The following MTFP1 variants were observed in gnomAD, a reference collection of about 807,000 sequenced individuals.
MTFP1 encodes the protein mitochondrial fission process protein 1.
Under a neutral mutation model 17.1 loss-of-function variants are expected in MTFP1, and 19 were observed. The ratio of observed to expected loss-of-function variants is 1.11; its 90% CI spans 0.77 to 1.63. MTFP1 has a LOEUF of 1.63. MTFP1 is among the 40% of genes most tolerant of loss of function. MTFP1 has a pLI of 0.00. For missense variants in MTFP1, 221 were observed against 226.2 expected (o/e 0.98, Z 0.15); for synonymous variants, 89 against 95.2 (o/e 0.93, Z 0.38).
rs1459730581 is a variant in MTFP1 at position 30,428,772 on chromosome 22, T to C, written c.*238T>C. The C allele has an allele frequency of 8.2e-7, 1 of 1,222,868 alleles. No homozygotes were observed. The highest frequency in any genetic ancestry group is 1.2e-6 in the Non-Finnish European group (1 of 842,850). 75.8% of individuals were successfully genotyped at this position (1,222,868 alleles called of 1,614,324 possible). On this transcript the variant is annotated 3_prime_UTR_variant, in exon 4 of 4. Transcript: ENST00000266263. ...TGGAATCCAAGATGCTGAGTGGAAGTGGACCCTGGGTGGGCCCGGCCCTGT... is the reference window on the plus strand; with the variant it reads ...TGGAATCCAAGATGCTGAGTGGAAGCGGACCCTGGGTGGGCCCGGCCCTGT...
Position 30,425,942 on chromosome 22 carries a change from C to G in MTFP1, c.63C>G (p.Tyr21Ter), listed in dbSNP as rs1002546543. The G allele has an allele frequency of 2.0e-6, 3 of 1,519,014 alleles. No individual in the cohort carries two copies. In the African/African-American group the frequency reaches 4.3e-5, roughly 22 times the overall value. The allele number at this position is 1,519,014 out of a possible 1,614,324, so 94.1% of individuals were successfully genotyped here. ...RDLYRDTWVR[Y>*]LGYANEVGEA... ...TCTACCGGGACACGTGGGTGCGATACCTGGGTGAGCGCGGGGCGACGGGCG... is the reference window on the plus strand; with the variant it reads ...TCTACCGGGACACGTGGGTGCGATAGCTGGGTGAGCGCGGGGCGACGGGCG... The change falls in exon 1 of 4, where the codon TAC becomes TAG. Residue 21 changes from tyrosine (Y) to a stop codon, truncating the protein, a stop_gained. Transcript: ENST00000266263. LOFTEE classifies it high-confidence loss of function.
In MTFP1 at chr22:30,427,186, G is replaced by A; in HGVS notation, c.211G>A (p.Ala71Thr). The A allele has an allele frequency of 1.2e-6, 2 of 1,614,116 alleles. No individual in the cohort carries two copies. Among genetic ancestry groups the A allele is most frequent in the South Asian group, 1.1e-5 (1 of 91,090 alleles). Residue 71 changes from alanine to threonine, a missense_variant, in exon 3 of 4, where the codon GCA (alanine) becomes ACA (threonine). Transcript: ENST00000266263. ...KKAGEVPSPE[A>T]GRSARVTVAV... ...CGCCCACCAGGTGCCCAGCCCTGAA[G>A]CAGGCCGCAGCGCCAGGGTGACTGT...
chr22:30,427,471 G>C, intron 3 of MTFP1, 68 bp downstream of exon 3: 7 of 1,490,744 alleles, frequency 4.7e-6, no homozygotes, highest in Non-Finnish European at 6.5e-6. Context: ...CCAGTCTCCA[G>C]GTAGAGCTAG....
rs886925277 is a variant in MTFP1, at chr22:30,425,930, G to C, written c.51G>C (p.Thr17=). The stretch of plus-strand genomic sequence containing the variant: ...CAGAGCGCGATCTCTACCGGGACAC[G>C]TGGGTGCGATACCTGGGTGAGCGCG... ...RGAERDLYRD[T]WVRYLGYANE... Residue 17 remains threonine, a synonymous_variant, in exon 1 of 4, where the codon ACG becomes ACC. Coordinates refer to ENST00000266263, the MANE Select transcript of MTFP1 (RefSeq NM_016498.5). The C allele has an allele frequency of 2.6e-5, 40 of 1,530,420 alleles. No homozygotes were observed. The highest frequency in any genetic ancestry group is 3.4e-5 in the Non-Finnish European group (39 of 1,138,826). 94.8% of individuals were successfully genotyped at this position (1,530,420 alleles called of 1,614,324 possible). A position where few individuals can be genotyped will look rare whatever the true frequency, so the allele number is the denominator to read the frequency against.
chr22:30,427,100 A>G (rs2146057467), intron 2 of MTFP1, 71 bp from the exon 3 acceptor site: 2 of 1,541,576 alleles, frequency 1.3e-6, no homozygotes, highest in East Asian at 4.5e-5. Context: ...CTCCCGGTCT[A>G]GCCTCGTGCC....
At chr22:30,427,039 G>A in intron 2 of MTFP1, 132 bp from the exon 3 acceptor site, 1 of 1,353,666 alleles carries the variant, frequency 7.4e-7, no homozygotes, top group Non-Finnish European at 1.1e-6. Context: ...ACTGGATGTG[G>A]CAGACTGTAC....
intron 1 of MTFP1, 63 bp downstream of exon 1, chr22:30,426,009 C>G: frequency 2.2e-6 from 3 of 1,387,544 alleles, no homozygotes; most frequent in Non-Finnish European, 2.8e-6. Context: ...CAGGGGTCGC[C>G]GGACGCCCGC....
intron 2 of MTFP1, 122 bp from the exon 3 acceptor site, chr22:30,427,048 AC>A: frequency 7.4e-7 from 1 of 1,354,932 alleles, no homozygotes; most frequent in Non-Finnish European, 1.1e-6. Flanking sequence ...GGCAGACTGT[AC>A]CCCACTCCTG....
Position 30,427,197 on chromosome 22 carries a change from C to T in MTFP1, c.222C>T (p.Ser74=), listed in dbSNP as rs766815897. Residue 74 remains serine, a synonymous_variant, in exon 3 of 4, where the codon AGC becomes AGT. Transcript: ENST00000266263. The stretch of plus-strand genomic sequence containing the variant: ...TGCCCAGCCCTGAAGCAGGCCGCAG[C>T]GCCAGGGTGACTGTGGCTGTGGTGG... ...GEVPSPEAGR[S]ARVTVAVVDT... 26 of 1,614,112 alleles carry T rather than the reference C, an allele frequency of 1.6e-5. 1 individual carries two copies. Among genetic ancestry groups the T allele is most frequent in the South Asian group, 1.4e-4 (13 of 91,084 alleles).
rs1463565553 is a variant in MTFP1 at position 30,427,021 on chromosome 22, C to A, written c.196-150C>A. 17 of 1,353,462 alleles carry A rather than the reference C, an allele frequency of 1.3e-5. No homozygotes were observed. The South Asian group carries it at 2.0e-4, about 16-fold the overall frequency. The allele number at this position is 1,353,462 out of a possible 1,614,324, so 83.8% of individuals were successfully genotyped here. On this transcript the variant is annotated intron_variant, in intron 2 of 3. Transcript: ENST00000266263. ...GTGTACCCCTGCCCCCACACTCCCA[C>A]TCCCCGAACTGGATGTGGCAGACTG...
chr22:30,428,111 G>A (rs150565210), intron 3 of MTFP1, among the ~76,000 whole-genome samples: 197 of 152,268 alleles, frequency 1.3e-3, no homozygotes, highest in Non-Finnish European at 2.0e-3. Flanking sequence ...CTTGGGTCAC[G>A]TGCTTGGTCT....
At chr22:30,426,078 T>C in intron 1 of MTFP1, 132 bp downstream of exon 1, 1 of 935,856 alleles carries the variant, frequency 1.1e-6, no homozygotes, top group Non-Finnish European at 1.5e-6. Context: ...GGCCGGAGAC[T>C]GGGCTCAGAC....
In MTFP1 at chr22:30,427,368, G is replaced by C. The variant is rs767883676; in HGVS notation, c.393G>C (p.Leu131=). ...AGTGGACCACCACCGCGCTTGGGCT[G>C]TTGACCATCCCCATCATTATCCACC... ...VRKWTTTALG[L]LTIPIIIHPI... The change falls in exon 3 of 4, where the codon CTG becomes CTC. Residue 131 remains leucine (L), a synonymous_variant. Transcript: ENST00000266263. 1.2e-6 allele frequency: 2 copies of C among 1,614,068 alleles called. No homozygotes were observed. The highest frequency in any genetic ancestry group is 8.5e-7 in the Non-Finnish European group (1 of 1,180,050).
chr22:30,428,065 C>G (rs1389327062), intron 3 of MTFP1, among the ~76,000 whole-genome samples: 1 of 152,206 alleles, frequency 6.6e-6, no homozygotes, highest in African/African-American at 2.4e-5. Context: ...TGCATGCCCA[C>G]CCTATGAGCC....
In MTFP1 at chr22:30,428,591, T is replaced by G; in HGVS notation, c.*57T>G. 6.2e-7 allele frequency: 1 copy of G among 1,614,148 alleles called. No homozygotes were observed. ...CTCCTGCTTCATGTCAACCTCCTAC[T>G]CCTGCCAGGGAATGTGGACACCTGG... On this transcript the variant is annotated 3_prime_UTR_variant, in exon 4 of 4. Coordinates refer to ENST00000266263, the MANE Select transcript of MTFP1 (RefSeq NM_016498.5).
Position 30,428,736 on chromosome 22 carries a change from G to C in MTFP1, c.*202G>C. On this transcript the variant is annotated 3_prime_UTR_variant, in exon 4 of 4. Coordinates refer to ENST00000266263, the MANE Select transcript of MTFP1 (RefSeq NM_016498.5). ...CACAGAAGGGCAGGACCTGAACGCT[G>C]TCTGCTTCCCTGGAATCCAAGATGC... The C allele has an allele frequency of 6.6e-7, 1 of 1,504,044 alleles. No individual in the cohort carries two copies. The allele number at this position is 1,504,044 out of a possible 1,614,324, so 93.2% of individuals were successfully genotyped here.
intron 3 of MTFP1, 136 bp from the exon 4 acceptor site, chr22:30,428,326 G>T: frequency 1.4e-6 from 1 of 704,184 alleles, no homozygotes; most frequent in Non-Finnish European, 2.4e-6. Flanking sequence ...GAAGGATCAG[G>T]ATAAGGGTGG....
intron 3 of MTFP1, among the ~76,000 whole-genome samples, chr22:30,428,260 G>A (rs1324500221): frequency 6.6e-6 from 1 of 152,230 alleles, no homozygotes; most frequent in Non-Finnish European, 1.5e-5. Context: ...GAATAAAGAA[G>A]AGGATGGCTT....
intron 3 of MTFP1, among the ~76,000 whole-genome samples, chr22:30,428,205 T>C (rs944407007): frequency 4.6e-5 from 7 of 152,184 alleles, no homozygotes; most frequent in Non-Finnish European, 5.9e-5. Flanking sequence ...TAGCTGACCC[T>C]GAGGCCCTGA....
Sources: allele counts gnomAD v4.1 joint callset (sites outside exome capture counted in the v4.1 genomes callset), GRCh38; gene constraint gnomAD v4.1.1; transcripts MANE v1.5; gene names NCBI Gene and HGNC (gene_info 2026-07-23, HGNC 2026-07-21).